The following MAP3K10 variants were observed in gnomAD, a reference collection of about 807,000 sequenced individuals.
The protein encoded by MAP3K10 is MKN28 derived nonreceptor_type serine/threonine kinase.
In MAP3K10, 22 loss-of-function variants were observed where a neutral mutation model predicts 75.0. The observed-to-expected ratio is 0.29, with a 90% confidence interval of 0.21 to 0.42. The LOEUF is 0.42. Among genes scored for constraint, MAP3K10 ranks in the 10% least tolerant of loss-of-function variants. The probability of loss-of-function intolerance (pLI) is 1.00; values close to 1 mark genes in which losing one functional copy is unlikely to be tolerated. For missense variants in MAP3K10, 1,165 were observed against 1,379.8 expected (o/e 0.84, Z 2.47); for synonymous variants, 599 against 612.9 (o/e 0.98, Z 0.34).
At position 40,209,174 on chromosome 19, in the gene MAP3K10, C is replaced by G; in HGVS notation, c.1507C>G (p.Pro503Ala). ...GCGGAAAGGATCCGATGGGGCCAGC[C>G]CCCCTGCAAGCCCCAGCATCATCCC... ...DKRKGSDGAS[P>A]PASPSIIPRL... The change falls in exon 6 of 10, where the codon CCC becomes GCC. Residue 503 changes from proline (P) to alanine (A), a missense_variant. Pro to Ala is a conservative substitution (Grantham distance 27, BLOSUM62 -1). Coordinates refer to ENST00000253055, the MANE Select transcript of MAP3K10 (RefSeq NM_002446.4). 6.2e-7 allele frequency: 1 copy of G among 1,614,218 alleles called. No individual in the cohort carries two copies. Among genetic ancestry groups the G allele is most frequent in the South Asian group, 1.1e-5 (1 of 91,086 alleles).
Position 40,213,071 on chromosome 19 carries a change from C to A in MAP3K10, c.1725-5C>A. 1 of 1,605,688 alleles carries A rather than the reference C, an allele frequency of 6.2e-7. No individual in the cohort carries two copies. ...GAGGTCTCCATCTCTCCCTGGACCCCGCAGGCTGAAGGGGCTGGGGGAAGG... is the reference window on the plus strand; with the variant it reads ...GAGGTCTCCATCTCTCCCTGGACCCAGCAGGCTGAAGGGGCTGGGGGAAGG... On this transcript the variant is annotated splice_polypyrimidine_tract_variant and splice_region_variant and intron_variant, in intron 7 of 9. Transcript: ENST00000253055. This position sits in a 1 kb window ranked among gnomAD's most constrained non-coding sequence, Gnocchi z 5.7.
At position 40,204,356 on chromosome 19, in the gene MAP3K10, T is replaced by C. The variant is rs1004653853; in HGVS notation, c.864-129T>C. 2 of 1,031,834 alleles carry C rather than the reference T, an allele frequency of 1.9e-6. No individual in the cohort carries two copies. The highest frequency in any genetic ancestry group is 1.6e-5 in the African/African-American group (1 of 62,210). 63.9% of individuals were successfully genotyped at this position (1,031,834 alleles called of 1,614,324 possible). ...AGGCCATGGAGGTCAAAGCAAGTTC[T>C]TGTGACCTCATTGGCCGGGGGTGGC... On this transcript the variant is annotated intron_variant, in intron 2 of 9. Transcript: ENST00000253055. This position sits in a 1 kb window ranked among gnomAD's most constrained non-coding sequence, Gnocchi z 4.3.
intron 2 of MAP3K10, among the ~76,000 whole-genome samples, chr19:40,203,858 C>A (rs570368979): frequency 6.6e-6 from 1 of 152,310 alleles, no homozygotes; most frequent in East Asian, 1.9e-4. Context: ...ACAGAGGGGG[C>A]AACCTGTGTT....
rs755750018 is a variant in MAP3K10 at position 40,209,168 on chromosome 19, G to C, written c.1501G>C (p.Ala501Pro). 3.7e-6 allele frequency: 6 copies of C among 1,614,182 alleles called. No homozygotes were observed. The highest frequency in any genetic ancestry group is 5.1e-6 in the Non-Finnish European group (6 of 1,180,014). The change falls in exon 6 of 10, where the codon GCC becomes CCC. Residue 501 changes from alanine (A) to proline (P), a missense_variant. Coordinates refer to ENST00000253055, the MANE Select transcript of MAP3K10 (RefSeq NM_002446.4). ...GGATAAGCGGAAAGGATCCGATGGGGCCAGCCCCCCTGCAAGCCCCAGCAT... is the reference window on the plus strand; with the variant it reads ...GGATAAGCGGAAAGGATCCGATGGGCCCAGCCCCCCTGCAAGCCCCAGCAT... ...TLDKRKGSDGASPPASPSIIP... is the reference protein window; with the variant it reads ...TLDKRKGSDGPSPPASPSIIP...
At chr19:40,194,163 C>A (rs1213777486) in intron 1 of MAP3K10, among the ~76,000 whole-genome samples, 2 of 152,126 alleles carry the variant, frequency 1.3e-5, no homozygotes, top group Non-Finnish European at 2.9e-5. Context: ...GAGTTCGAGA[C>A]CAGCCTGACC....
At chr19:40,202,082 C>T (rs1469600211) in intron 2 of MAP3K10, among the ~76,000 whole-genome samples, 1 of 152,054 alleles carries the variant, frequency 6.6e-6, no homozygotes, top group Non-Finnish European at 1.5e-5. Context: ...ACTCTGTCTT[C>T]CAGGCTGGAG....
At position 40,204,371 on chromosome 19, in the gene MAP3K10, C is replaced by A; in HGVS notation, c.864-114C>A. On this transcript the variant is annotated intron_variant, in intron 2 of 9. Coordinates refer to ENST00000253055, the MANE Select transcript of MAP3K10 (RefSeq NM_002446.4). This position sits in a 1 kb window ranked among gnomAD's most constrained non-coding sequence, Gnocchi z 4.3. Reference sequence around the variant, plus strand: ...AAGCAAGTTCTTGTGACCTCATTGGCCGGGGGTGGCTGTTGGGGTGAGGGC... The same window carrying A: ...AAGCAAGTTCTTGTGACCTCATTGGACGGGGGTGGCTGTTGGGGTGAGGGC... 1 of 1,209,686 alleles carries A rather than the reference C, an allele frequency of 8.3e-7. No homozygotes were observed. The highest frequency in any genetic ancestry group is 1.1e-6 in the Non-Finnish European group (1 of 885,906). 74.9% of individuals were successfully genotyped at this position (1,209,686 alleles called of 1,614,324 possible).
At position 40,214,189 on chromosome 19, in the gene MAP3K10, G is replaced by C. The variant is rs1410291514; in HGVS notation, c.2510G>C (p.Arg837Pro). ...RTPSDGALGQ[R>P]GPPEPAGHGP... ...CCATCGGACGGGGCGCTGGGGCAGCGGGGGCCGCCCGAGCCCGCGGGCCAT... is the reference window on the plus strand; with the variant it reads ...CCATCGGACGGGGCGCTGGGGCAGCCGGGGCCGCCCGAGCCCGCGGGCCAT... The change falls in exon 9 of 10, where the codon CGG becomes CCG. Residue 837 changes from arginine to proline, a missense_variant. By Grantham distance (103) the Arg-to-Pro change is moderately radical. Around this residue, in one of 2 missense-constraint regions of MAP3K10, gnomAD observed 590 missense variants for 586.6 expected, o/e 1.01. Transcript: ENST00000253055. 2.1e-6 allele frequency: 3 copies of C among 1,453,060 alleles called. No individual in the cohort carries two copies. The highest frequency in any genetic ancestry group is 1.8e-6 in the Non-Finnish European group (2 of 1,113,002). 90.0% of individuals were successfully genotyped at this position (1,453,060 alleles called of 1,614,324 possible). A position where few individuals can be genotyped will look rare whatever the true frequency, so the allele number is the denominator to read the frequency against.
At position 40,213,323 on chromosome 19, in the gene MAP3K10, C is replaced by CT; in HGVS notation, c.1837+136dup. On this transcript the variant is annotated intron_variant, in intron 8 of 9. Transcript: ENST00000253055. The surrounding 1 kb of genome is among the most constrained non-coding windows in gnomAD (Gnocchi z 5.7). ...TTCCTGGGAAGGGAGATGGTGGCCC[C>CT]TGGGGCGTGGGGGGTCATTTCCAGG... 1 of 1,452,420 alleles carries CT rather than the reference C, an allele frequency of 6.9e-7. No individual in the cohort carries two copies. Among genetic ancestry groups the CT allele is most frequent in the Non-Finnish European group, 9.0e-7 (1 of 1,107,166 alleles). 90.0% of individuals were successfully genotyped at this position (1,452,420 alleles called of 1,614,324 possible).
chr19:40,207,323 A>G (rs969606028), intron 5 of MAP3K10, among the ~76,000 whole-genome samples: 1 of 152,188 alleles, frequency 6.6e-6, no homozygotes, highest in Non-Finnish European at 1.5e-5. Context: ...TACAAGCCAG[A>G]AAGCAGTGCC....
chr19:40,200,666 T>A (rs1481138445), intron 2 of MAP3K10, among the ~76,000 whole-genome samples: 1 of 138,546 alleles, frequency 7.2e-6, no homozygotes, highest in Non-Finnish European at 1.5e-5. Flanking sequence ...CCGCCCAGGC[T>A]GGAGTGCAAT....
At chr19:40,209,024 C>T (rs1473640932) in intron 5 of MAP3K10, 79 bp from the exon 6 acceptor site, 2 of 1,024,104 alleles carry the variant, frequency 2.0e-6, no homozygotes, top group Non-Finnish European at 3.0e-6. Flanking sequence ...AGAATTCCTT[C>T]TCTACTTCTA....
chr19:40,210,680 G>A (rs1029879166), intron 6 of MAP3K10, among the ~76,000 whole-genome samples: 2 of 151,478 alleles, frequency 1.3e-5, no homozygotes, highest in Non-Finnish European at 2.9e-5. Flanking sequence ...CAGCCTGGGC[G>A]ACAGAGTGAG....
intron 5 of MAP3K10, chr19:40,206,362 A>G: frequency 4.0e-6 from 2 of 503,162 alleles, no homozygotes; most frequent in Non-Finnish European, 6.6e-6. Flanking sequence ...TGAGGCCAGA[A>G]GTTTGAGACC....
At position 40,205,408 on chromosome 19, in the gene MAP3K10, C is replaced by CAAA. The variant is rs1973101361; in HGVS notation, c.1188+114_1188+115insAAA. Reference sequence around the variant, plus strand: ...CCCAGCCTTTGGGTCCATGCAGGGTCAAGGGAGCCTTTTTTGCATATTAAG... The same window carrying CAAA: ...CCCAGCCTTTGGGTCCATGCAGGGTCAAAAAGGGAGCCTTTTTTGCATATTAAG... On this transcript the variant is annotated intron_variant, in intron 4 of 9. Transcript: ENST00000253055. This position sits in a 1 kb window ranked among gnomAD's most constrained non-coding sequence, Gnocchi z 4.3. 8.7e-7 allele frequency: 1 copy of CAAA among 1,150,282 alleles called. No individual in the cohort carries two copies. The highest frequency in any genetic ancestry group is 1.2e-6 in the Non-Finnish European group (1 of 817,166). The allele number at this position is 1,150,282 out of a possible 1,614,324, so 71.3% of individuals were successfully genotyped here.
rs1448210003 is a variant in MAP3K10 at position 40,191,743 on chromosome 19, CCG to C, written c.-284_-283del. On this transcript the variant is annotated 5_prime_UTR_variant, in exon 1 of 10. It removes the in-frame stop codon of an upstream open reading frame in the 5' UTR. Transcript: ENST00000253055. Reference sequence around the variant, plus strand: ...GCGGACCCCGGCGGGCATTCGAGAGCCGCGCGGCCAGGCCCTCTTAGCCCTCT... The same window carrying C: ...GCGGACCCCGGCGGGCATTCGAGAGCCGCGGCCAGGCCCTCTTAGCCCTCT... 1 of 314,526 alleles carries C rather than the reference CCG, an allele frequency of 3.2e-6. No individual in the cohort carries two copies. The highest frequency in any genetic ancestry group is 5.8e-6 in the Non-Finnish European group (1 of 172,294). 19.5% of individuals were successfully genotyped at this position (314,526 alleles called of 1,614,324 possible). A position where few individuals can be genotyped will look rare whatever the true frequency, so the allele number is the denominator to read the frequency against.
intron 2 of MAP3K10, among the ~76,000 whole-genome samples, chr19:40,203,082 C>G (rs1472155836): frequency 6.6e-6 from 1 of 152,202 alleles, no homozygotes; most frequent in Non-Finnish European, 1.5e-5. Context: ...TGGCTCATGC[C>G]TGTAATCCCA....
rs1176509739 is a variant in MAP3K10 at position 40,214,029 on chromosome 19, A to G, written c.2350A>G (p.Thr784Ala). 2 of 626,464 alleles carry G rather than the reference A, an allele frequency of 3.2e-6. No individual in the cohort carries two copies. The highest frequency in any genetic ancestry group is 4.2e-6 in the Non-Finnish European group (2 of 475,584). 38.8% of individuals were successfully genotyped at this position (626,464 alleles called of 1,614,324 possible). Residue 784 changes from threonine (T) to alanine (A), a missense_variant, in exon 9 of 10, where the codon ACA becomes GCA. Around this residue, in one of 2 missense-constraint regions of MAP3K10, gnomAD observed 590 missense variants for 586.6 expected, o/e 1.01. Coordinates refer to ENST00000253055, the MANE Select transcript of MAP3K10 (RefSeq NM_002446.4). ...PSPPPSPPAPTPTPSPSTNPL... is the reference protein window; with the variant it reads ...PSPPPSPPAPAPTPSPSTNPL... ...CCCACCACCCTCCCCGCCCGCGCCC[A>G]CACCCACGCCCTCGCCCAGCACCAA...
rs771891153 is a variant in MAP3K10, at chr19:40,209,180, G to C, written c.1513G>C (p.Ala505Pro). ...AGGATCCGATGGGGCCAGCCCCCCT[G>C]CAAGCCCCAGCATCATCCCCCGGCT... ...RKGSDGASPP[A>P]SPSIIPRLRA... is the part of the protein sequence containing the mutation. Residue 505 changes from alanine (A) to proline (P), a missense_variant, in exon 6 of 10, where the codon GCA becomes CCA. Physicochemically the swap from Ala to Pro is conservative, Grantham distance 27. Around this residue, in one of 2 missense-constraint regions of MAP3K10, gnomAD observed 575 missense variants for 793.2 expected, o/e 0.72. Coordinates refer to ENST00000253055, the MANE Select transcript of MAP3K10 (RefSeq NM_002446.4). 3 of 1,614,034 alleles carry C rather than the reference G, an allele frequency of 1.9e-6. No homozygotes were observed. In the Admixed American group the frequency reaches 5.0e-5, roughly 27 times the overall value.
Sources: gnomAD v4.1 joint callset for allele counts (sites outside exome capture counted in the v4.1 genomes callset) on GRCh38, gnomAD v4.1.1 for gene constraint, gnomAD v4.1.1 regional missense constraint, Gnocchi (gnomAD v3.1) non-coding constraint, MANE v1.5 for transcripts, NCBI Gene and HGNC (gene_info 2026-07-23, HGNC 2026-07-21) for gene names.